PLCL1: variants seen among roughly 807,000 people sequenced by gnomAD.
PLCL1 encodes inactive phospholipase C-like protein 1.
In PLCL1, 41 loss-of-function variants were observed where a neutral mutation model predicts 84.4. That is an observed-to-expected ratio of 0.49 (90% CI 0.38 to 0.63). The LOEUF (loss-of-function observed/expected upper bound fraction) is 0.63, where lower values mean the gene tolerates loss of function less well. Ranked by LOEUF, PLCL1 falls within the 30% of genes least tolerant of loss-of-function variation. The pLI is 0.00. For synonymous variants in PLCL1, 490 were observed against 488.3 expected (o/e 1.00, Z -0.05); for missense variants, 1,206 against 1,367.8 (o/e 0.88, Z 1.87).
At chr2:197,933,528 C>T (rs1337935490) in intron 1 of PLCL1, among the ~76,000 whole-genome samples, 1 of 152,040 alleles carries the variant, frequency 6.6e-6, no homozygotes, top group Non-Finnish European at 1.5e-5. Flanking sequence ...AAGGAAATAA[C>T]AAGATTAATA....
intron 1 of PLCL1, among the ~76,000 whole-genome samples, chr2:197,993,369 G>T (rs931338096): frequency 1.3e-5 from 2 of 152,044 alleles, no homozygotes; most frequent in Non-Finnish European, 2.9e-5. Flanking sequence ...TGTTTTTGTT[G>T]TTGAGCATCA....
chr2:197,924,037 C>T (rs1436280794), intron 1 of PLCL1, among the ~76,000 whole-genome samples: 4 of 150,762 alleles, frequency 2.7e-5, no homozygotes, highest in East Asian at 4.0e-4. Flanking sequence ...ATCGCAGGCA[C>T]TCGGCAGGCT....
intron 1 of PLCL1, among the ~76,000 whole-genome samples, chr2:198,016,450 G>A (rs1208314983): frequency 6.6e-6 from 1 of 152,166 alleles, no homozygotes; most frequent in Non-Finnish European, 1.5e-5. Flanking sequence ...ATAAACTGCA[G>A]TGCTCTACGC....
In PLCL1 at chr2:197,975,147, CAAAAAAAAA is replaced by C. The variant is rs71015804; in HGVS notation, c.241-108592_241-108584del. ...TGGGCGACAGAGCGAGACTCCATCTCAAAAAAAAAAAAAAAAAAAAAAAAAAAGAGTGAT... is the reference window on the plus strand; with the variant it reads ...TGGGCGACAGAGCGAGACTCCATCTCAAAAAAAAAAAAAAAAAAGAGTGAT... On this transcript the variant is annotated intron_variant, in intron 1 of 5. Transcript: ENST00000428675. Among the ~76,000 whole-genome samples, 21 of 19,900 alleles carry C rather than the reference CAAAAAAAAA, an allele frequency of 1.1e-3. No homozygotes were observed. In the South Asian group the frequency reaches 0.018, roughly 17 times the overall value. 13.1% of individuals were successfully genotyped at this position (19,900 alleles called of 152,430 possible).
intron 1 of PLCL1, among the ~76,000 whole-genome samples, chr2:197,913,730 T>C (rs1688535787): frequency 6.6e-6 from 1 of 152,224 alleles, no homozygotes; most frequent in Admixed American, 6.5e-5. Flanking sequence ...AAGAATACTC[T>C]AGGGGAAGAA....
At chr2:197,850,031 G>GACACACACAGACACAC in intron 1 of PLCL1, among the ~76,000 whole-genome samples, 1 of 135,036 alleles carries the variant, frequency 7.4e-6, no homozygotes, top group African/African-American at 2.7e-5. Flanking sequence ...GACACACACA[G>GACACACACAGACACAC]ACACACACAC....
chr2:197,872,944 G>A (rs754945049), intron 1 of PLCL1, among the ~76,000 whole-genome samples: 8 of 152,026 alleles, frequency 5.3e-5, no homozygotes, highest in Non-Finnish European at 1.2e-4. Context: ...GATCATCATG[G>A]CATGCTAAGA....
intron 1 of PLCL1, among the ~76,000 whole-genome samples, chr2:197,877,256 C>A (rs1046677118): frequency 1.3e-5 from 2 of 151,940 alleles, no homozygotes; most frequent in East Asian, 1.9e-4. Flanking sequence ...GGAGAAAATG[C>A]CTTAGATCCT....
chr2:198,116,336 A>T (rs1693747487), intron 5 of PLCL1, among the ~76,000 whole-genome samples: 1 of 151,724 alleles, frequency 6.6e-6, no homozygotes, highest in Admixed American at 6.6e-5. Context: ...CTTATTTCCC[A>T]CTTTTTGTAA....
intron 1 of PLCL1, among the ~76,000 whole-genome samples, chr2:197,914,818 T>C (rs1035322073): frequency 3.9e-5 from 6 of 152,152 alleles, no homozygotes; most frequent in African/African-American, 1.4e-4. Context: ...CTTTAACTGA[T>C]GTAAGTAGGA....
At chr2:197,949,657 G>A (rs1025751738) in intron 1 of PLCL1, among the ~76,000 whole-genome samples, 3 of 152,062 alleles carry the variant, frequency 2.0e-5, no homozygotes, top group Non-Finnish European at 2.9e-5. Context: ...TTTCTAAGGA[G>A]GTAAACAGAG....
intron 1 of PLCL1, among the ~76,000 whole-genome samples, chr2:198,035,141 A>G (rs1691526391): frequency 6.6e-6 from 1 of 152,194 alleles, no homozygotes; most frequent in Non-Finnish European, 1.5e-5. Context: ...AAATATATCT[A>G]TTAGTGTTAA....
intron 1 of PLCL1, among the ~76,000 whole-genome samples, chr2:197,933,882 A>C (rs1279062869): frequency 6.6e-6 from 1 of 152,092 alleles, no homozygotes; most frequent in African/African-American, 2.4e-5. Flanking sequence ...TCCTTTCTAT[A>C]TATTTTTTGG....
intron 1 of PLCL1, among the ~76,000 whole-genome samples, chr2:197,837,598 G>A (rs1456117423): frequency 6.6e-6 from 1 of 152,182 alleles, no homozygotes; most frequent in Non-Finnish European, 1.5e-5. Context: ...GAAGGATGAA[G>A]GATGGAGAGC....
At chr2:198,128,331 GAA>G (rs937349828) in intron 5 of PLCL1, among the ~76,000 whole-genome samples, 10 of 152,082 alleles carry the variant, frequency 6.6e-5, no homozygotes, top group African/African-American at 2.4e-4. Flanking sequence ...TCGCAATAGA[GAA>G]AGAATAATTC....
At position 198,110,269 on chromosome 2, in the gene PLCL1, G is replaced by A. The variant is rs1333908500; in HGVS notation, c.3105+6333G>A. On this transcript the variant is annotated intron_variant, in intron 5 of 5. Coordinates refer to ENST00000428675, the MANE Select transcript of PLCL1 (RefSeq NM_006226.4). ...TGTGACTATTACTTTTCCCCATAAC[G>A]CTTTTGCTTTTTATCACTACTTAAG... is the stretch of plus-strand genomic sequence containing the variant. Among the ~76,000 whole-genome samples, 3 of 151,784 alleles carry A rather than the reference G, an allele frequency of 2.0e-5. 1 individual carries two copies. Among genetic ancestry groups the A allele is most frequent in the South Asian group, 4.1e-4 (2 of 4,820 alleles).
chr2:198,026,348 G>A (rs1691265447), intron 1 of PLCL1, among the ~76,000 whole-genome samples: 1 of 152,104 alleles, frequency 6.6e-6, no homozygotes, highest in Admixed American at 6.5e-5. Context: ...TATTTTTCAT[G>A]GAGCATGTTT....
At chr2:197,911,862 C>T (rs1403430978) in intron 1 of PLCL1, among the ~76,000 whole-genome samples, 1 of 152,134 alleles carries the variant, frequency 6.6e-6, no homozygotes, top group Non-Finnish European at 1.5e-5. Flanking sequence ...TGTCAGAACA[C>T]AGGGAGAAAC....
chr2:197,853,826 A>G (rs1313226135), intron 1 of PLCL1, among the ~76,000 whole-genome samples: 2 of 152,072 alleles, frequency 1.3e-5, no homozygotes, highest in African/African-American at 2.4e-5. Flanking sequence ...CTGAATAGGG[A>G]TTATCTCTTC....
Sources: gnomAD v4.1 joint callset for allele counts (sites outside exome capture counted in the v4.1 genomes callset) on GRCh38, gnomAD v4.1.1 for gene constraint, MANE v1.5 for transcripts, NCBI Gene and HGNC (gene_info 2026-07-23, HGNC 2026-07-21) for gene names.